Variants in TEKT5 observed in about 807,000 individuals in gnomAD.
The protein encoded by TEKT5 is tektin-5.
A neutral mutation model predicts 48.7 loss-of-function variants in TEKT5; 52 were observed. The ratio of observed to expected loss-of-function variants is 1.07; its 90% CI spans 0.86 to 1.35. The LOEUF (loss-of-function observed/expected upper bound fraction) is 1.35, where lower values mean the gene tolerates loss of function less well. Ranked by LOEUF, TEKT5 falls within the 40% of genes most tolerant of loss-of-function variation. The pLI is 0.00. For synonymous variants in TEKT5, 318 were observed against 267.6 expected (o/e 1.19, Z -1.84); for missense variants, 831 against 641.6 (o/e 1.30, Z -3.19).
chr16:10,677,032 A>G (rs1898658962), intron 4 of TEKT5, among the ~76,000 whole-genome samples: 1 of 150,290 alleles, frequency 6.7e-6, no homozygotes. Flanking sequence ...AAAAAATGTC[A>G]AAAAAAAAAG....
intron 5 of TEKT5, among the ~76,000 whole-genome samples, chr16:10,656,256 T>G (rs1898260190): frequency 6.6e-6 from 1 of 152,262 alleles, no homozygotes; most frequent in East Asian, 1.9e-4. Flanking sequence ...GATTTATTTA[T>G]TTTTATTTTT....
At chr16:10,694,210 G>C (rs1003684666) in intron 1 of TEKT5, 100 bp downstream of exon 1, 16 of 1,274,288 alleles carry the variant, frequency 1.3e-5, no homozygotes, top group South Asian at 1.5e-5. Flanking sequence ...AAACCGACCT[G>C]CAAGGTGCCT....
chr16:10,627,697 G>T lies in TEKT5; in HGVS notation c.1344C>A (p.Cys448Ter), dbSNP rs747368284. The T allele has an allele frequency of 3.7e-6, 6 of 1,614,110 alleles. No homozygotes were observed. Among genetic ancestry groups the T allele is most frequent in the Non-Finnish European group, 4.2e-6 (5 of 1,180,050 alleles). ...DTLQLLVMTKCRLEHELAIKA... is the reference protein window; with the variant it reads ...DTLQLLVMTK ...TGATGGCGAGCTCGTGCTCCAGCCG[G>T]CACTTGGTCATGACCAGCAGCTGCA... The change falls in exon 7 of 7, where the codon TGC (cysteine) becomes TGA (stop). Residue 448 changes from cysteine to a stop codon, truncating the protein, a stop_gained. Coordinates refer to ENST00000283025, the MANE Select transcript of TEKT5 (RefSeq NM_144674.2). LOFTEE classifies it high-confidence loss of function.
chr16:10,672,555 C>T (rs1264697156), intron 5 of TEKT5, among the ~76,000 whole-genome samples: 6 of 152,168 alleles, frequency 3.9e-5, no homozygotes, highest in Admixed American at 1.3e-4. Flanking sequence ...GAGATTGCGC[C>T]ACTGCACTCC....
At chr16:10,673,646 A>ATTTTTT (rs60322821) in intron 5 of TEKT5, among the ~76,000 whole-genome samples, 10 of 105,750 alleles carry the variant, frequency 9.5e-5, no homozygotes, top group South Asian at 3.1e-4. Flanking sequence ...CACCCATTCT[A>ATTTTTT]TTTTTTTTTT....
chr16:10,657,092 G>A (rs936962701), intron 5 of TEKT5, among the ~76,000 whole-genome samples: 1 of 147,728 alleles, frequency 6.8e-6, no homozygotes. Flanking sequence ...ACAATTAGTT[G>A]TATATAAAGC....
intron 5 of TEKT5, among the ~76,000 whole-genome samples, chr16:10,645,028 G>A (rs146022994): frequency 6.6e-6 from 1 of 152,216 alleles, no homozygotes; most frequent in East Asian, 1.9e-4. Flanking sequence ...TCTACAACCC[G>A]GAAGAGGGCC....
intron 4 of TEKT5, among the ~76,000 whole-genome samples, chr16:10,678,006 C>T (rs1002441807): frequency 4.6e-5 from 7 of 152,310 alleles, no homozygotes; most frequent in Admixed American, 1.3e-4. Context: ...AGGAACTCCT[C>T]AGTAAAGTTC....
intron 4 of TEKT5, among the ~76,000 whole-genome samples, chr16:10,676,895 TAG>T (rs1300401299): frequency 6.6e-6 from 1 of 152,138 alleles, no homozygotes; most frequent in East Asian, 1.9e-4. Context: ...GGAAGGGATT[TAG>T]AAACTGGAGG....
chr16:10,642,733 G>A (rs557806353), intron 5 of TEKT5, among the ~76,000 whole-genome samples: 128 of 152,278 alleles, frequency 8.4e-4, no homozygotes, highest in Non-Finnish European at 1.6e-3. Flanking sequence ...TAAACCAGGG[G>A]CAGAAAGTTA....
intron 5 of TEKT5, among the ~76,000 whole-genome samples, chr16:10,656,047 A>T (rs1456539169): frequency 6.6e-6 from 1 of 152,180 alleles, no homozygotes; most frequent in African/African-American, 2.4e-5. Context: ...CACTACTGAC[A>T]TTTTGATAGA....
At chr16:10,654,639 A>T (rs12922763) in intron 5 of TEKT5, among the ~76,000 whole-genome samples, 10,972 of 152,066 alleles carry the variant, frequency 0.072, 606 homozygotes, top group East Asian at 0.2. Flanking sequence ...TGGACATCAG[A>T]GTTGCTGGTT....
chr16:10,641,715 G>T (rs945083068), intron 5 of TEKT5, among the ~76,000 whole-genome samples: 1 of 152,222 alleles, frequency 6.6e-6, no homozygotes, highest in African/African-American at 2.4e-5. Flanking sequence ...CCAGCTACAA[G>T]GGAGGCTGAG....
chr16:10,691,973 A>T (rs1898988248), intron 1 of TEKT5, among the ~76,000 whole-genome samples: 2 of 149,434 alleles, frequency 1.3e-5, no homozygotes, highest in African/African-American at 4.9e-5. Context: ...AAGGTTGTTA[A>T]TTTCTGGGAG....
In TEKT5 at chr16:10,676,101, T is replaced by C. The variant is rs2719710; in HGVS notation, c.944A>G (p.Gln315Arg). Residue 315 changes from glutamine to arginine, a missense_variant, in exon 5 of 7, where the codon CAG becomes CGG. Physicochemically the swap from Gln to Arg is conservative, Grantham distance 43. Coordinates refer to ENST00000283025, the MANE Select transcript of TEKT5 (RefSeq NM_144674.2). ...HSQNMRANSI[Q>R]LREEAEHLFE... is the part of the protein sequence containing the mutation. ...GAGGTGCTCCGCCTCCTCCCGCAGCTGGATGGAGTTGGCCCGCATGTTCTG... is the reference window on the plus strand; with the variant it reads ...GAGGTGCTCCGCCTCCTCCCGCAGCCGGATGGAGTTGGCCCGCATGTTCTG... 703,820 of 1,613,982 alleles carry C rather than the reference T, an allele frequency of 0.44. 165,063 individuals are homozygous for C. The highest frequency in any genetic ancestry group is 0.82 in the East Asian group (36,574 of 44,874).
intron 5 of TEKT5, among the ~76,000 whole-genome samples, chr16:10,637,629 A>C (rs533791906): frequency 6.6e-6 from 1 of 152,282 alleles, no homozygotes; most frequent in Non-Finnish European, 1.5e-5. Context: ...AATGTTCTAC[A>C]TCTTGATCTG....
At chr16:10,671,660 A>G (rs1159377857) in intron 5 of TEKT5, 1 of 152,252 alleles carries the variant, frequency 6.6e-6, no homozygotes, top group Non-Finnish European at 1.5e-5. Context: ...TAATAAAGAC[A>G]TACCCAAGAC....
At chr16:10,665,501 C>A (rs1898442524) in intron 5 of TEKT5, among the ~76,000 whole-genome samples, 1 of 152,228 alleles carries the variant, frequency 6.6e-6, no homozygotes, top group Non-Finnish European at 1.5e-5. Flanking sequence ...CTCTCCATCT[C>A]CTGCATGGTC....
intron 4 of TEKT5, among the ~76,000 whole-genome samples, chr16:10,679,663 G>A (rs548403496): frequency 1.3e-5 from 2 of 152,216 alleles, no homozygotes; most frequent in South Asian, 2.1e-4. Flanking sequence ...GGGAGGCCGA[G>A]GCGGGCAGAT....
Sources: gnomAD v4.1 joint callset for allele counts (sites outside exome capture counted in the v4.1 genomes callset) on GRCh38, gnomAD v4.1.1 for gene constraint, MANE v1.5 for transcripts, NCBI Gene and HGNC (gene_info 2026-07-23, HGNC 2026-07-21) for gene names.